Variants in MACC1 observed in about 807,000 individuals in gnomAD.
MACC1 encodes the protein metastasis-associated in colon cancer protein 1.
Under a neutral mutation model 70.7 loss-of-function variants are expected in MACC1, and 79 were observed. That is an observed-to-expected ratio of 1.12 (90% confidence interval 0.93 to 1.35). MACC1 has a LOEUF of 1.35. Among genes scored for constraint, MACC1 ranks in the 40% most tolerant of loss-of-function variants. The probability of loss-of-function intolerance (pLI) is 0.00; values close to 1 mark genes in which losing one functional copy is unlikely to be tolerated. For missense variants in MACC1, 1,106 were observed against 978.1 expected (o/e 1.13, Z -1.74); for synonymous variants, 361 against 347.2 (o/e 1.04, Z -0.44).
At chr7:20,214,129 AT>A (rs1783036436) in intron 1 of MACC1, among the ~76,000 whole-genome samples, 1 of 152,004 alleles carries the variant, frequency 6.6e-6, no homozygotes, top group African/African-American at 2.4e-5. Context: ...CCTGCACACT[AT>A]GCCCAGGAGG....
rs1408713619 is a variant in MACC1, at chr7:20,161,871, C to T, written c.-8-1G>A. On this transcript the variant is annotated splice_acceptor_variant, in intron 3 of 6. Coordinates refer to ENST00000400331, the MANE Select transcript of MACC1 (RefSeq NM_182762.4). LOFTEE classifies it low-confidence loss of function (5UTR_SPLICE). ...CTTTCAGTGATTAGCATTTTTCCAC[C>T]TACAAAGTAAATAGATAAGTATTTT... The T allele has an allele frequency of 6.4e-7, 1 of 1,561,162 alleles. No individual in the cohort carries two copies. The highest frequency in any genetic ancestry group is 1.1e-5 in the South Asian group (1 of 89,856).
chr7:20,217,201 G>A (rs982284823), intron 1 of MACC1, 98 bp downstream of exon 1: 1 of 152,192 alleles, frequency 6.6e-6, no homozygotes, highest in East Asian at 1.9e-4. Context: ...TTGTTAAGCA[G>A]CTGGTTTGTT....
chr7:20,154,980 T>C (rs1035471944), intron 5 of MACC1, among the ~76,000 whole-genome samples: 1 of 151,776 alleles, frequency 6.6e-6, no homozygotes, highest in Admixed American at 6.6e-5. Flanking sequence ...TATAAATTTA[T>C]TAAAAATACT....
intron 1 of MACC1, among the ~76,000 whole-genome samples, chr7:20,197,906 T>C (rs558734646): frequency 6.6e-6 from 1 of 152,362 alleles, no homozygotes; most frequent in Admixed American, 6.5e-5. Flanking sequence ...CAGGCTTATA[T>C]TGTTCACTAG....
chr7:20,187,770 C>T (rs1001247090), intron 1 of MACC1, among the ~76,000 whole-genome samples: 2 of 152,162 alleles, frequency 1.3e-5, no homozygotes, highest in African/African-American at 2.4e-5. Context: ...GTTTCTGGTA[C>T]ATACATCTCC....
intron 1 of MACC1, among the ~76,000 whole-genome samples, chr7:20,182,125 G>A (rs1282328984): frequency 6.8e-6 from 1 of 147,472 alleles, no homozygotes. Context: ...CTCACTCATA[G>A]GTGGGAATTG....
intron 1 of MACC1, among the ~76,000 whole-genome samples, chr7:20,212,090 T>C (rs929646171): frequency 6.6e-6 from 1 of 152,194 alleles, no homozygotes; most frequent in South Asian, 2.1e-4. Flanking sequence ...TGCAGTGATA[T>C]CGACAAAGAT....
chr7:20,158,899 G>A lies in MACC1; in HGVS notation c.1462C>T (p.Gln488Ter), dbSNP rs1265714593. 6.2e-7 allele frequency: 1 copy of A among 1,613,912 alleles called. No individual in the cohort carries two copies. Among genetic ancestry groups the A allele is most frequent in the South Asian group, 1.1e-5 (1 of 91,028 alleles). Residue 488 changes from glutamine (Q) to a stop codon, truncating the protein, a stop_gained, in exon 5 of 7, where the codon CAA (glutamine) becomes TAA (stop). Transcript: ENST00000400331. LOFTEE classifies it high-confidence loss of function. ...REMHLFDFCV[Q>*]VEPPNGEPVA... is the part of the protein sequence containing the mutation. ...GGTTCACCATTGGGAGGCTCCACTT[G>A]AACACAAAAATCAAACAAGTGCATC... is the stretch of plus-strand genomic sequence containing the variant.
Position 20,140,908 on chromosome 7 carries a change from C to T in MACC1, c.*38G>A. The T allele has an allele frequency of 2.0e-6, 3 of 1,477,848 alleles. No individual in the cohort carries two copies. The highest frequency in any genetic ancestry group is 1.2e-5 in the South Asian group (1 of 82,588). The allele number at this position is 1,477,848 out of a possible 1,614,324, so 91.5% of individuals were successfully genotyped here. A position where few individuals can be genotyped will look rare whatever the true frequency, so the allele number is the denominator to read the frequency against. Reference sequence around the variant, plus strand: ...AGACACACACACACACACACCATTACCTCATTTTCCCTCCCATCAAAAACA... The same window carrying T: ...AGACACACACACACACACACCATTATCTCATTTTCCCTCCCATCAAAAACA... On this transcript the variant is annotated 3_prime_UTR_variant, in exon 7 of 7. Coordinates refer to ENST00000400331, the MANE Select transcript of MACC1 (RefSeq NM_182762.4).
At chr7:20,168,402 C>T (rs942693670) in intron 2 of MACC1, among the ~76,000 whole-genome samples, 1 of 152,208 alleles carries the variant, frequency 6.6e-6, no homozygotes, top group Non-Finnish European at 1.5e-5. Flanking sequence ...CAGTAGTCCA[C>T]ACATTTGGCT....
At chr7:20,157,569 A>G (rs1197265278) in intron 5 of MACC1, among the ~76,000 whole-genome samples, 2 of 151,336 alleles carry the variant, frequency 1.3e-5, no homozygotes. Flanking sequence ...AGATTGCTTG[A>G]GGCCAGGAGT....
chr7:20,172,396 A>G (rs888934271), intron 1 of MACC1, among the ~76,000 whole-genome samples: 1 of 152,230 alleles, frequency 6.6e-6, no homozygotes, highest in Non-Finnish European at 1.5e-5. Context: ...TAAAATATTC[A>G]ATGTAAATCT....
intron 6 of MACC1, among the ~76,000 whole-genome samples, chr7:20,145,573 A>G (rs10236093): frequency 0.15 from 22,819 of 152,114 alleles, 1,852 homozygotes; most frequent in African/African-American, 0.19. Context: ...ATATTCTATG[A>G]TGGCAAGGGG....
chr7:20,209,585 G>T (rs1254254140), intron 1 of MACC1, among the ~76,000 whole-genome samples: 1 of 152,144 alleles, frequency 6.6e-6, no homozygotes. Context: ...ACTTGTTTTT[G>T]GTTTTACAGA....
chr7:20,171,341 TC>T (rs978217732), intron 1 of MACC1, among the ~76,000 whole-genome samples: 6 of 151,300 alleles, frequency 4.0e-5, no homozygotes, highest in Non-Finnish European at 5.9e-5. Flanking sequence ...AAGCTCCGCC[TC>T]CCAGGTTCAC....
intron 1 of MACC1, among the ~76,000 whole-genome samples, chr7:20,174,072 A>G (rs553895218): frequency 6.6e-6 from 1 of 152,338 alleles, no homozygotes; most frequent in South Asian, 2.1e-4. Flanking sequence ...CTTCCTGATG[A>G]TCTGAGGTTG....
In MACC1 at chr7:20,186,868, G is replaced by A. The variant is rs17142562; in HGVS notation, c.-217-16090C>T. Among the ~76,000 whole-genome samples the A allele has an allele frequency of 5.2e-3, 794 of 152,240 alleles. 12 individuals carry two copies. The highest frequency in any genetic ancestry group is 0.017 in the African/African-American group (702 of 41,560). On this transcript the variant is annotated intron_variant, in intron 1 of 6. Transcript: ENST00000400331. ...CACAGTCATTAAAAATAATCTTGAC[G>A]AAAGTATTTAACAGCATAACGTATG... is the stretch of plus-strand genomic sequence containing the variant.
intron 5 of MACC1, among the ~76,000 whole-genome samples, chr7:20,155,462 G>T (rs1371859547): frequency 2.0e-5 from 3 of 152,122 alleles, no homozygotes; most frequent in Non-Finnish European, 2.9e-5. Flanking sequence ...TGTGAATGTG[G>T]CCTCTCTCTT....
At chr7:20,196,701 A>G (rs1782760186) in intron 1 of MACC1, among the ~76,000 whole-genome samples, 1 of 152,192 alleles carries the variant, frequency 6.6e-6, no homozygotes, top group African/African-American at 2.4e-5. Flanking sequence ...AGAATTAAAA[A>G]GAGCTTAGCG....
Sources: gnomAD v4.1 joint callset for allele counts (sites outside exome capture counted in the v4.1 genomes callset) on GRCh38, gnomAD v4.1.1 for gene constraint, MANE v1.5 for transcripts, NCBI Gene and HGNC (gene_info 2026-07-23, HGNC 2026-07-21) for gene names.